The following MPP7 variants were observed in gnomAD, a reference collection of about 807,000 sequenced individuals.
The protein encoded by MPP7 is MAGUK p55 scaffold protein 7, also known as MAGUK p55 subfamily member 7.
MPP7 carries 60 observed loss-of-function variants against 76.5 expected under a neutral mutation model. That is an observed-to-expected ratio of 0.78 (90% CI 0.64 to 0.97). The LOEUF (loss-of-function observed/expected upper bound fraction) is 0.97. Among genes scored for constraint, MPP7 ranks in the 50% least tolerant of loss-of-function variants. MPP7 has a pLI of 0.00. For synonymous variants in MPP7, 237 were observed against 244.5 expected (o/e 0.97, Z 0.29); for missense variants, 641 against 694.0 (o/e 0.92, Z 0.86).
chr10:28,155,629 A>C (rs1183512061), intron 3 of MPP7, among the ~76,000 whole-genome samples: 1 of 147,700 alleles, frequency 6.8e-6, no homozygotes, highest in African/African-American at 2.6e-5. Context: ...AGAAAAAGGC[A>C]TTAAAGAATA....
At chr10:28,245,355 C>T (rs78894639) in intron 1 of MPP7, among the ~76,000 whole-genome samples, 5,276 of 152,098 alleles carry the variant, frequency 0.035, 170 homozygotes, top group African/African-American at 0.078. Context: ...AATCAATGTC[C>T]CCCACTAGAT....
chr10:28,144,599 C>T (rs183249665), intron 5 of MPP7, among the ~76,000 whole-genome samples: 1 of 152,314 alleles, frequency 6.6e-6, no homozygotes, highest in East Asian at 1.9e-4. Context: ...ATGCTCTTCC[C>T]TGTACCTAAA....
chr10:28,205,108 C>G (rs1014067015), intron 2 of MPP7, among the ~76,000 whole-genome samples: 5 of 152,296 alleles, frequency 3.3e-5, no homozygotes, highest in African/African-American at 1.2e-4. Context: ...GCCGTACCTT[C>G]CCTTCAACTA....
chr10:28,096,452 A>G (rs1853574094), intron 11 of MPP7, among the ~76,000 whole-genome samples: 2 of 152,174 alleles, frequency 1.3e-5, no homozygotes, highest in Non-Finnish European at 2.9e-5. Context: ...TTACTTCTGT[A>G]AATTGTTGGT....
chr10:28,270,869 C>A (rs1263588456), intron 1 of MPP7, among the ~76,000 whole-genome samples: 1 of 152,070 alleles, frequency 6.6e-6, no homozygotes, highest in Non-Finnish European at 1.5e-5. Flanking sequence ...TGTTGCCTTT[C>A]CTCCAGGGAC....
chr10:28,119,768 G>A lies in MPP7; in HGVS notation c.888-53C>T, dbSNP rs1027121627. 4.7e-5 allele frequency: 64 copies of A among 1,364,828 alleles called. 1 individual carries two copies. Among genetic ancestry groups the A allele is most frequent in the Middle Eastern group, 1.8e-4 (1 of 5,542 alleles). The allele number at this position is 1,364,828 out of a possible 1,614,324, so 84.5% of individuals were successfully genotyped here. A position where few individuals can be genotyped will look rare whatever the true frequency, so the allele number is the denominator to read the frequency against. On this transcript the variant is annotated intron_variant, in intron 10 of 16. Coordinates refer to ENST00000683449, the MANE Select transcript of MPP7 (RefSeq NM_001318170.2). The stretch of plus-strand genomic sequence containing the variant: ...TCAATTTTCAGCACAGGTCCGAGGT[G>A]AATACAATATCAAAATATTTAGTCT...
In MPP7 at chr10:28,262,214, TATATATATATAC is replaced by T. The variant is rs1564741307; in HGVS notation, c.-131-23491_-131-23480del. ...ATATATATATATATATATACATATATATATATATATACATATATATATATATATACATATATA... is the reference window on the plus strand; with the variant it reads ...ATATATATATATATATATACATATATATATATATATATATATACATATATA... On this transcript the variant is annotated intron_variant, in intron 1 of 16. Coordinates refer to ENST00000683449, the MANE Select transcript of MPP7 (RefSeq NM_001318170.2). Among the ~76,000 whole-genome samples the T allele has an allele frequency of 1.5e-3, 91 of 60,678 alleles. 4 individuals carry two copies. Among genetic ancestry groups the T allele is most frequent in the African/African-American group, 6.6e-3 (83 of 12,666 alleles). The allele number at this position is 60,678 out of a possible 152,430, so 39.8% of individuals were successfully genotyped here. A position where few individuals can be genotyped will look rare whatever the true frequency, so the allele number is the denominator to read the frequency against.
chr10:28,151,897 T>C (rs1013484510), intron 3 of MPP7, among the ~76,000 whole-genome samples: 4 of 152,154 alleles, frequency 2.6e-5, no homozygotes, highest in African/African-American at 9.7e-5. Flanking sequence ...GGCCAGTTTG[T>C]AGGGCATAGA....
chr10:28,099,039 CTT>C (rs887832678), intron 11 of MPP7, among the ~76,000 whole-genome samples: 2 of 152,116 alleles, frequency 1.3e-5, no homozygotes, highest in African/African-American at 4.8e-5. Flanking sequence ...TCAATGTAAA[CTT>C]ATAATGTACC....
chr10:28,057,862 G>A (rs755604511), intron 15 of MPP7: 1 of 1,231,306 alleles, frequency 8.1e-7, no homozygotes, highest in African/African-American at 1.6e-5. Context: ...GGGGGATGAG[G>A]AAAATGCTGT....
In MPP7 at chr10:28,202,217, C is replaced by G; in HGVS notation, c.92G>C (p.Ser31Thr). Residue 31 changes from serine to threonine, a missense_variant, in exon 3 of 17, where the codon AGC becomes ACC. Ser to Thr is a moderately conservative substitution (Grantham distance 58). Coordinates refer to ENST00000683449, the MANE Select transcript of MPP7 (RefSeq NM_001318170.2). ...LPAQLQPHVD[S>T]QEDLTFLWDM... ...CCAGAGGAAGGTCAGGTCTTCCTGGCTATCCACATGTGGCTGCAGCTGGGC... is the reference window on the plus strand; with the variant it reads ...CCAGAGGAAGGTCAGGTCTTCCTGGGTATCCACATGTGGCTGCAGCTGGGC... 1 of 1,613,848 alleles carries G rather than the reference C, an allele frequency of 6.2e-7. No individual in the cohort carries two copies. The highest frequency in any genetic ancestry group is 1.1e-5 in the South Asian group (1 of 91,070).
At chr10:28,283,800 C>A (rs776001392) in intron 1 of MPP7, among the ~76,000 whole-genome samples, 2 of 152,182 alleles carry the variant, frequency 1.3e-5, no homozygotes, top group African/African-American at 4.8e-5. Flanking sequence ...CAGGGGTGAG[C>A]CGTCACGCCC....
At chr10:28,282,930 TA>T (rs1223958215) in intron 1 of MPP7, among the ~76,000 whole-genome samples, 4 of 151,884 alleles carry the variant, frequency 2.6e-5, no homozygotes, top group South Asian at 2.1e-4. Flanking sequence ...GGTGTGTGGA[TA>T]GGGGTAGGCA....
At chr10:28,184,702 T>A (rs1458747556) in intron 3 of MPP7, among the ~76,000 whole-genome samples, 3 of 148,640 alleles carry the variant, frequency 2.0e-5, no homozygotes, top group African/African-American at 7.3e-5. Flanking sequence ...AGTGAGACTC[T>A]GTCTCCAAAA....
intron 1 of MPP7, among the ~76,000 whole-genome samples, chr10:28,286,946 T>C (rs1259665107): frequency 1.3e-5 from 2 of 152,166 alleles, no homozygotes; most frequent in African/African-American, 4.8e-5. Flanking sequence ...AAAGTTCACA[T>C]GAAGGAGCTG....
intron 12 of MPP7, among the ~76,000 whole-genome samples, chr10:28,087,750 G>A (rs1342030950): frequency 6.6e-6 from 1 of 152,106 alleles, no homozygotes; most frequent in Non-Finnish European, 1.5e-5. Flanking sequence ...GAGGCAACAG[G>A]GACAGAAGAG....
intron 1 of MPP7, among the ~76,000 whole-genome samples, chr10:28,244,996 A>G (rs1315116412): frequency 2.0e-5 from 3 of 152,182 alleles, no homozygotes; most frequent in Non-Finnish European, 4.4e-5. Context: ...GGCAGCATTT[A>G]TAGTGTTGGC....
chr10:28,134,983 T>G (rs1417421880), intron 5 of MPP7, among the ~76,000 whole-genome samples: 1 of 151,974 alleles, frequency 6.6e-6, no homozygotes, highest in Non-Finnish European at 1.5e-5. Context: ...TTAACAGGAA[T>G]CCACCTGAAA....
intron 3 of MPP7, among the ~76,000 whole-genome samples, chr10:28,190,523 C>T (rs1339992330): frequency 1.3e-5 from 2 of 152,100 alleles, no homozygotes; most frequent in Non-Finnish European, 1.5e-5. Flanking sequence ...AACAGAAAGA[C>T]AGCAGGAAAA....
Sources: gnomAD v4.1 joint callset for allele counts (sites outside exome capture counted in the v4.1 genomes callset) on GRCh38, gnomAD v4.1.1 for gene constraint, MANE v1.5 for transcripts, NCBI Gene and HGNC (gene_info 2026-07-23, HGNC 2026-07-21) for gene names.